Variants in DLG2 observed in about 807,000 individuals in gnomAD.
The protein encoded by DLG2 is discs large MAGUK scaffold protein 2, also known as disks large homolog 2.
In DLG2, 45 loss-of-function variants were observed where a neutral mutation model predicts 132.5. The ratio of observed to expected loss-of-function variants is 0.34; its 90% CI spans 0.27 to 0.44. The LOEUF (loss-of-function observed/expected upper bound fraction) is 0.44, where lower values mean the gene tolerates loss of function less well. Among genes scored for constraint, DLG2 ranks in the 20% least tolerant of loss-of-function variants. The pLI is 1.00. For synonymous variants in DLG2, 424 were observed against 419.6 expected (o/e 1.01, Z -0.13); for missense variants, 1,045 against 1,196.9 (o/e 0.87, Z 1.87).
At chr11:84,926,594 T>C (rs750971528) in intron 6 of DLG2, among the ~76,000 whole-genome samples, 1 of 151,888 alleles carries the variant, frequency 6.6e-6, no homozygotes, top group Non-Finnish European at 1.5e-5. Flanking sequence ...GTGTGGGGTG[T>C]GGGTGTGTGT....
chr11:85,205,187 G>C (rs2081793381), intron 4 of DLG2, among the ~76,000 whole-genome samples: 1 of 144,538 alleles, frequency 6.9e-6, no homozygotes, highest in Admixed American at 7.1e-5. Context: ...TATAACAATG[G>C]AATATTATTC....
chr11:84,307,373 A>T (rs539385263), intron 7 of DLG2, among the ~76,000 whole-genome samples: 9 of 152,310 alleles, frequency 5.9e-5, no homozygotes, highest in Middle Eastern at 3.4e-3. Context: ...GAAGGTGAGG[A>T]CTGAAAAACC....
intron 3 of DLG2, chr11:85,335,945 A>C (rs1328051925): frequency 6.6e-6 from 1 of 151,774 alleles, no homozygotes; most frequent in Non-Finnish European, 1.5e-5. Flanking sequence ...AAAGTATAAT[A>C]AAAAAAAATT....
intron 18 of DLG2, among the ~76,000 whole-genome samples, chr11:83,684,166 C>G (rs2079311001): frequency 6.6e-6 from 1 of 152,034 alleles, no homozygotes; most frequent in Admixed American, 6.6e-5. Context: ...CTTGAACGTT[C>G]CACTGCTAAC....
intron 6 of DLG2, among the ~76,000 whole-genome samples, chr11:84,657,717 T>A (rs1380493532): frequency 6.6e-6 from 1 of 152,208 alleles, no homozygotes; most frequent in African/African-American, 2.4e-5. Flanking sequence ...CTCAGTCACC[T>A]GCTGCTCTCC....
At chr11:85,314,502 T>G (rs2080521302) in intron 3 of DLG2, among the ~76,000 whole-genome samples, 1 of 151,948 alleles carries the variant, frequency 6.6e-6, no homozygotes, top group Admixed American at 6.6e-5. Flanking sequence ...ATACATATAA[T>G]ATATATACAT....
intron 7 of DLG2, among the ~76,000 whole-genome samples, chr11:84,463,808 T>C (rs570673234): frequency 4.6e-5 from 7 of 151,216 alleles, no homozygotes; most frequent in African/African-American, 1.7e-4. Flanking sequence ...CCGTGGGTTT[T>C]CAATATTATC....
At chr11:84,041,673 T>C (rs2154106928) in intron 11 of DLG2, among the ~76,000 whole-genome samples, 1 of 152,160 alleles carries the variant, frequency 6.6e-6, no homozygotes. Context: ...TATAGGTCAA[T>C]TTACCCAATT....
At chr11:84,417,848 A>C (rs1410029508) in intron 7 of DLG2, among the ~76,000 whole-genome samples, 1 of 152,184 alleles carries the variant, frequency 6.6e-6, no homozygotes, top group Non-Finnish European at 1.5e-5. Context: ...TTTCTGGATG[A>C]AACTTATAAA....
intron 6 of DLG2, among the ~76,000 whole-genome samples, chr11:85,106,528 T>G (rs1268032584): frequency 6.6e-6 from 1 of 151,976 alleles, no homozygotes; most frequent in East Asian, 1.9e-4. Flanking sequence ...ATTGTCTGTT[T>G]TTTACGCTTT....
chr11:84,194,992 G>C (rs76148559), intron 8 of DLG2, among the ~76,000 whole-genome samples: 1,801 of 152,296 alleles, frequency 0.012, 14 homozygotes, highest in Middle Eastern at 0.034. Flanking sequence ...TGCAAGCAGG[G>C]GGAGATGGCT....
intron 9 of DLG2, among the ~76,000 whole-genome samples, chr11:84,124,850 T>TG (rs2094099543): frequency 6.7e-6 from 1 of 148,232 alleles, no homozygotes. Context: ...GTTTTCACTT[T>TG]TTTTTTTTTT....
At chr11:85,044,564 T>C (rs559715149) in intron 6 of DLG2, among the ~76,000 whole-genome samples, 5 of 152,064 alleles carry the variant, frequency 3.3e-5, no homozygotes, top group Non-Finnish European at 7.4e-5. Context: ...CAGAGTGTTA[T>C]TACAAAATAG....
rs1163275954 is a variant in DLG2, at chr11:84,741,056, C to CTTT, written c.358-206328_358-206326dup. Among the ~76,000 whole-genome samples, 621 of 79,346 alleles carry CTTT rather than the reference C, an allele frequency of 7.8e-3. 94 individuals are homozygous for CTTT. Among genetic ancestry groups the CTTT allele is most frequent in the African/African-American group, 0.013 (217 of 17,292 alleles). The allele number at this position is 79,346 out of a possible 152,430, so 52.1% of individuals were successfully genotyped here. On this transcript the variant is annotated intron_variant, in intron 6 of 27. Transcript: ENST00000376104. Reference sequence around the variant, plus strand: ...GACCAAACAACTGTGTGCCTATGCTCTTTTTTTTTTTTTTTTTTTTTTTTT... The same window carrying CTTT: ...GACCAAACAACTGTGTGCCTATGCTCTTTTTTTTTTTTTTTTTTTTTTTTTTTT...
In DLG2 at chr11:84,643,580, G is replaced by T. The variant is rs149857981; in HGVS notation, c.358-108849C>A. ...TTATTCCCTCAAATCTGGAAGGATG[G>T]TTCTCTTAAAATAGGGGAATCTTAT... is the stretch of plus-strand genomic sequence containing the variant. On this transcript the variant is annotated intron_variant, in intron 6 of 27. Coordinates refer to ENST00000376104, the MANE Select transcript of DLG2 (RefSeq NM_001142699.3). 2.3e-3 allele frequency among the ~76,000 whole-genome samples: 344 copies of T among 152,238 alleles called. 1 individual carries two copies. The highest frequency in any genetic ancestry group is 8.1e-3 in the African/African-American group (335 of 41,536).
At chr11:84,890,721 G>A (rs1047202130) in intron 6 of DLG2, 4 of 152,170 alleles carry the variant, frequency 2.6e-5, no homozygotes, top group Non-Finnish European at 5.9e-5. Context: ...ATCCCACAGG[G>A]GCTTTACTGA....
intron 10 of DLG2, among the ~76,000 whole-genome samples, chr11:84,087,186 T>C (rs1594941886): frequency 6.6e-6 from 1 of 152,192 alleles, no homozygotes; most frequent in South Asian, 2.1e-4. Context: ...GTAGAATGAC[T>C]GGTCGTGTGG....
intron 6 of DLG2, among the ~76,000 whole-genome samples, chr11:85,099,529 T>C (rs1403630683): frequency 1.3e-5 from 2 of 152,180 alleles, no homozygotes; most frequent in African/African-American, 4.8e-5. Context: ...TAATTATTAC[T>C]AAGAGTATAC....
intron 6 of DLG2, among the ~76,000 whole-genome samples, chr11:84,761,731 T>C (rs1182513870): frequency 2.0e-5 from 3 of 152,164 alleles, no homozygotes; most frequent in Non-Finnish European, 2.9e-5. Context: ...AAGGCTGCTA[T>C]TGGCTTCCCT....
Sources: allele counts gnomAD v4.1 joint callset (sites outside exome capture counted in the v4.1 genomes callset), GRCh38; gene constraint gnomAD v4.1.1; transcripts MANE v1.5; gene names NCBI Gene and HGNC (gene_info 2026-07-23, HGNC 2026-07-21).